PCSK5: variants seen among roughly 807,000 people sequenced by gnomAD.
PCSK5 encodes the protein prohormone convertase 5.
A neutral mutation model predicts 233.2 loss-of-function variants in PCSK5; 129 were observed. That is an observed-to-expected ratio of 0.55 (90% CI 0.48 to 0.64). PCSK5 has a LOEUF of 0.64. Ranked by LOEUF, PCSK5 falls within the 30% of genes least tolerant of loss-of-function variation. PCSK5 has a pLI of 0.00. For missense variants in PCSK5, 2,076 were observed against 2,430.1 expected (o/e 0.85, Z 3.06); for synonymous variants, 825 against 879.2 (o/e 0.94, Z 1.09).
intron 14 of PCSK5, among the ~76,000 whole-genome samples, chr9:76,176,598 A>G (rs1823626770): frequency 6.6e-6 from 1 of 152,212 alleles, no homozygotes. Flanking sequence ...CTTTCCATTT[A>G]AAACATAGAT....
At chr9:76,177,594 T>A (rs1189560678) in intron 14 of PCSK5, among the ~76,000 whole-genome samples, 2 of 152,232 alleles carry the variant, frequency 1.3e-5, no homozygotes, top group East Asian at 3.8e-4. Context: ...ATTTATATTT[T>A]AACTAGCAAA....
chr9:76,253,702 G>A (rs1826889207), intron 24 of PCSK5, among the ~76,000 whole-genome samples: 1 of 152,202 alleles, frequency 6.6e-6, no homozygotes, highest in African/African-American at 2.4e-5. Context: ...TAATGTACGT[G>A]ATGTGTTTTC....
chr9:76,320,034 T>C (rs1490171834), intron 30 of PCSK5, among the ~76,000 whole-genome samples: 1 of 152,146 alleles, frequency 6.6e-6, no homozygotes, highest in Non-Finnish European at 1.5e-5. Flanking sequence ...CCACTTGTCT[T>C]GTATGCGATA....
chr9:75,917,170 GA>G (rs34529382), intron 1 of PCSK5, among the ~76,000 whole-genome samples: 16,854 of 104,000 alleles, frequency 0.16, 1,127 homozygotes, highest in South Asian at 0.28. Flanking sequence ...CTCCGTCTCA[GA>G]AAAAAAAAAA....
intron 24 of PCSK5, 149 bp from the exon 25 acceptor site, chr9:76,292,084 G>A: frequency 1.7e-6 from 1 of 593,012 alleles, no homozygotes; most frequent in Non-Finnish European, 3.0e-6. Flanking sequence ...ATTAAAAACA[G>A]TACAATCTGT....
chr9:76,049,563 TGTGCAGA>T (rs1240064859), intron 5 of PCSK5, among the ~76,000 whole-genome samples: 2 of 152,214 alleles, frequency 1.3e-5, no homozygotes, highest in South Asian at 4.1e-4. Flanking sequence ...CAGCACTCCC[TGTGCAGA>T]GTGCAGAGTG....
chr9:76,037,468 A>G (rs962291138), intron 5 of PCSK5, among the ~76,000 whole-genome samples: 1 of 152,178 alleles, frequency 6.6e-6, no homozygotes, highest in African/African-American at 2.4e-5. Flanking sequence ...TGTTAATATT[A>G]TTACAGGTGA....
Position 75,927,390 on chromosome 9 carries a change from A to T in PCSK5, c.193-4989A>T, listed in dbSNP as rs147368537. On this transcript the variant is annotated intron_variant, in intron 1 of 37. Coordinates refer to ENST00000674117, the MANE Select transcript of PCSK5 (RefSeq NM_001372043.1). ...ACCAAGCAGAGAAGAAGCCCAAGAG[A>T]ACTGACAGGTTCCTCAAGGTGGCCA... Among the ~76,000 whole-genome samples, 567 of 152,130 alleles carry T rather than the reference A, an allele frequency of 3.7e-3. 11 individuals carry two copies. Among genetic ancestry groups the T allele is most frequent in the Admixed American group, 0.033 (497 of 15,282 alleles).
At chr9:75,913,947 C>T (rs1422537356) in intron 1 of PCSK5, among the ~76,000 whole-genome samples, 1 of 152,100 alleles carries the variant, frequency 6.6e-6, no homozygotes, top group Non-Finnish European at 1.5e-5. Flanking sequence ...CTATGTTATT[C>T]CTGAAGATAA....
At chr9:76,257,442 T>A (rs1196732131) in intron 24 of PCSK5, among the ~76,000 whole-genome samples, 1 of 152,122 alleles carries the variant, frequency 6.6e-6, no homozygotes, top group Non-Finnish European at 1.5e-5. Context: ...ACGATGAGTG[T>A]CAGTAAATTG....
At chr9:76,077,549 A>G (rs1587596079) in intron 7 of PCSK5, among the ~76,000 whole-genome samples, 1 of 151,736 alleles carries the variant, frequency 6.6e-6, no homozygotes, top group East Asian at 1.9e-4. Flanking sequence ...CAACCCATCC[A>G]CCCCTTCCTC....
chr9:75,937,383 TAGTC>T (rs1247587852), intron 2 of PCSK5, among the ~76,000 whole-genome samples: 2 of 152,104 alleles, frequency 1.3e-5, no homozygotes, highest in Non-Finnish European at 2.9e-5. Context: ...TTCACCATGT[TAGTC>T]AGGCTGGTCT....
At position 75,913,990 on chromosome 9, in the gene PCSK5, T is replaced by C. The variant is rs146686551; in HGVS notation, c.193-18389T>C. 1.5e-3 allele frequency among the ~76,000 whole-genome samples: 225 copies of C among 152,314 alleles called. 1 individual carries two copies. The highest frequency in any genetic ancestry group is 5.3e-3 in the African/African-American group (219 of 41,568). Reference sequence around the variant, plus strand: ...TTCTCCTCTTTTAATCCAGCCTGTATGTATACAGGTCTTATTTATAGGTCC... The same window carrying C: ...TTCTCCTCTTTTAATCCAGCCTGTACGTATACAGGTCTTATTTATAGGTCC... On this transcript the variant is annotated intron_variant, in intron 1 of 37. Transcript: ENST00000674117.
At chr9:76,030,970 G>C (rs1163426123) in intron 5 of PCSK5, among the ~76,000 whole-genome samples, 1 of 152,082 alleles carries the variant, frequency 6.6e-6, no homozygotes, top group African/African-American at 2.4e-5. Flanking sequence ...TGTGTGCTTA[G>C]GTTTGCCATC....
Position 76,227,535 on chromosome 9 carries a change from A to T in PCSK5, c.2659A>T (p.Thr887Ser). ...EYVDEHGHCQ[T>S]CEASCAKCQG... ...TGTTGATGAGCATGGCCACTGCCAGACCTGTGAGGCCTCATGTGCCAAGTG... is the reference window on the plus strand; with the variant it reads ...TGTTGATGAGCATGGCCACTGCCAGTCCTGTGAGGCCTCATGTGCCAAGTG... Residue 887 changes from threonine to serine, a missense_variant, in exon 21 of 38, where the codon ACC becomes TCC. Physicochemically the swap from Thr to Ser is moderately conservative, Grantham distance 58. Transcript: ENST00000674117. 6.2e-7 allele frequency: 1 copy of T among 1,612,106 alleles called. No individual in the cohort carries two copies. The highest frequency in any genetic ancestry group is 8.5e-7 in the Non-Finnish European group (1 of 1,179,526).
chr9:76,287,602 G>C (rs1189021672), intron 24 of PCSK5, among the ~76,000 whole-genome samples: 1 of 152,098 alleles, frequency 6.6e-6, no homozygotes, highest in Non-Finnish European at 1.5e-5. Flanking sequence ...TGGGACTACA[G>C]GCACCTACCA....
chr9:76,017,584 C>T (rs1587503288), intron 3 of PCSK5, among the ~76,000 whole-genome samples: 2 of 152,228 alleles, frequency 1.3e-5, no homozygotes, highest in East Asian at 3.9e-4. Flanking sequence ...TTCAAATTCT[C>T]CTCTGCCCAA....
chr9:76,330,843 T>A (rs1829512657), intron 33 of PCSK5, among the ~76,000 whole-genome samples: 1 of 152,150 alleles, frequency 6.6e-6, no homozygotes, highest in Admixed American at 6.6e-5. Flanking sequence ...TCCCAGCAGT[T>A]GCTGCTTCAT....
At chr9:76,038,294 A>G (rs150158042) in intron 5 of PCSK5, among the ~76,000 whole-genome samples, 9 of 152,130 alleles carry the variant, frequency 5.9e-5, no homozygotes, top group African/African-American at 2.2e-4. Context: ...CATAGGCTCT[A>G]GTATTATGTT....
Sources: gnomAD v4.1 joint callset for allele counts (sites outside exome capture counted in the v4.1 genomes callset) on GRCh38, gnomAD v4.1.1 for gene constraint, MANE v1.5 for transcripts, NCBI Gene and HGNC (gene_info 2026-07-23, HGNC 2026-07-21) for gene names.